The following ZNF385D variants were observed in gnomAD, a reference collection of about 807,000 sequenced individuals.
ZNF385D encodes zinc finger protein 659.
In ZNF385D, 15 loss-of-function variants were observed where a neutral mutation model predicts 35.8. That is an observed-to-expected ratio of 0.42 (90% CI 0.28 to 0.64). ZNF385D has a LOEUF of 0.64. ZNF385D is among the 30% of genes least tolerant of loss of function. ZNF385D has a pLI of 0.23. For missense variants in ZNF385D, 474 were observed against 494.6 expected (o/e 0.96, Z 0.39); for synonymous variants, 212 against 186.8 (o/e 1.13, Z -1.10).
chr3:21,871,079 T>C (rs1264308467), intron 3 of ZNF385D, among the ~76,000 whole-genome samples: 2 of 152,148 alleles, frequency 1.3e-5, no homozygotes. Flanking sequence ...CTGAAGACTC[T>C]CCCCAACTCT....
chr3:21,813,540 A>T (rs2125713367), intron 3 of ZNF385D, among the ~76,000 whole-genome samples: 1 of 152,328 alleles, frequency 6.6e-6, no homozygotes, highest in East Asian at 1.9e-4. Flanking sequence ...ATGGCACGAG[A>T]ATTATGCGAC....
At chr3:22,105,334 TAGTC>T (rs1268761359) in intron 3 of ZNF385D, among the ~76,000 whole-genome samples, 8 of 151,994 alleles carry the variant, frequency 5.3e-5, no homozygotes, top group East Asian at 3.9e-4. Flanking sequence ...TCAGTTGTAT[TAGTC>T]AGGACTCACT....
intron 2 of ZNF385D, among the ~76,000 whole-genome samples, chr3:22,208,480 T>G (rs1165491721): frequency 6.6e-6 from 1 of 151,626 alleles, no homozygotes; most frequent in African/African-American, 2.4e-5. Context: ...GTTAACCGAG[T>G]TGGTTAATGG....
chr3:22,272,468 T>A (rs150607304), intron 2 of ZNF385D, among the ~76,000 whole-genome samples: 169 of 152,158 alleles, frequency 1.1e-3, no homozygotes, highest in African/African-American at 3.8e-3. Flanking sequence ...CAAGATTTAA[T>A]CGTTTAATTA....
In ZNF385D at chr3:21,430,224, C is replaced by G. The variant is rs17008688; in HGVS notation, c.674-4554G>C. Among the ~76,000 whole-genome samples the G allele has an allele frequency of 1.3e-4, 20 of 151,508 alleles. No homozygotes were observed. The East Asian group carries it at 3.9e-3, about 29-fold the overall frequency. ...GAATGGCATCTAGGTATCAGGTGACCAAATATTGCCCCAAATAAGAAAAAA... is the reference window on the plus strand; with the variant it reads ...GAATGGCATCTAGGTATCAGGTGACGAAATATTGCCCCAAATAAGAAAAAA... On this transcript the variant is annotated intron_variant, in intron 5 of 7. Transcript: ENST00000281523.
intron 2 of ZNF385D, among the ~76,000 whole-genome samples, chr3:22,315,116 A>C (rs1703813773): frequency 6.6e-6 from 1 of 152,200 alleles, no homozygotes; most frequent in South Asian, 2.1e-4. Flanking sequence ...ACGTAAAATC[A>C]GGGGTACAGC....
intron 4 of ZNF385D, among the ~76,000 whole-genome samples, chr3:21,463,862 T>C (rs985171464): frequency 1.3e-5 from 2 of 151,868 alleles, no homozygotes; most frequent in Admixed American, 6.6e-5. Flanking sequence ...TAGTACAATA[T>C]AGTGTACTCT....
chr3:21,442,818 C>T (rs1701930398), intron 4 of ZNF385D, among the ~76,000 whole-genome samples: 1 of 151,658 alleles, frequency 6.6e-6, no homozygotes, highest in East Asian at 1.9e-4. Context: ...TGTGTGTGCA[C>T]ACTTATGAGT....
At chr3:21,650,554 A>AT (rs1384958158) in intron 2 of ZNF385D, among the ~76,000 whole-genome samples, 1 of 152,154 alleles carries the variant, frequency 6.6e-6, no homozygotes, top group Non-Finnish European at 1.5e-5. Context: ...TTAAACATTT[A>AT]TTTTTTAAAA....
chr3:22,359,817 CAA>C (rs1249043185), intron 2 of ZNF385D, among the ~76,000 whole-genome samples: 1 of 151,854 alleles, frequency 6.6e-6, no homozygotes, highest in Non-Finnish European at 1.5e-5. Context: ...CATATATAAA[CAA>C]ATGAATTTAT....
chr3:22,351,127 A>C (rs1361291131), intron 2 of ZNF385D, among the ~76,000 whole-genome samples: 1 of 152,116 alleles, frequency 6.6e-6, no homozygotes, highest in Non-Finnish European at 1.5e-5. Flanking sequence ...TAAAAATGTT[A>C]ATTTAAAAAA....
chr3:21,711,160 G>C (rs571853407), intron 1 of ZNF385D, among the ~76,000 whole-genome samples: 2 of 144,930 alleles, frequency 1.4e-5, no homozygotes, highest in South Asian at 4.4e-4. Context: ...TCCTGCCTCA[G>C]CCTCCCGAGT....
rs1355177331 is a variant in ZNF385D, at chr3:21,415,586, C to T, written c.*5628G>A. On this transcript the variant is annotated 3_prime_UTR_variant, in exon 8 of 8. Coordinates refer to ENST00000281523, the MANE Select transcript of ZNF385D (RefSeq NM_024697.3). ...ACAGGTACTAAGACTCATATTTTTACAATTCTGTATGTGTGTGCGTATATA... is the reference window on the plus strand; with the variant it reads ...ACAGGTACTAAGACTCATATTTTTATAATTCTGTATGTGTGTGCGTATATA... 6.6e-6 allele frequency: 1 copy of T among 152,068 alleles called. No homozygotes were observed. The highest frequency in any genetic ancestry group is 1.5e-5 in the Non-Finnish European group (1 of 67,988). The allele number at this position is 152,068 out of a possible 1,614,324, so 9.4% of individuals were successfully genotyped here.
At chr3:21,456,952 T>C (rs1281045113) in intron 4 of ZNF385D, among the ~76,000 whole-genome samples, 2 of 152,150 alleles carry the variant, frequency 1.3e-5, no homozygotes, top group Non-Finnish European at 2.9e-5. Flanking sequence ...TTCTTCTCCA[T>C]TGCAGTTATC....
At chr3:21,921,115 C>G (rs1469456233) in intron 3 of ZNF385D, among the ~76,000 whole-genome samples, 1 of 146,454 alleles carries the variant, frequency 6.8e-6, no homozygotes, top group African/African-American at 2.5e-5. Flanking sequence ...CCCAGCTACT[C>G]GGGAGGCTGA....
chr3:21,792,553 G>T (rs866608207), intron 3 of ZNF385D, among the ~76,000 whole-genome samples: 1 of 152,160 alleles, frequency 6.6e-6, no homozygotes, highest in South Asian at 2.1e-4. Flanking sequence ...TTTAGAGAAA[G>T]AATCTTTACA....
At chr3:22,143,332 C>T (rs1285457478) in intron 3 of ZNF385D, among the ~76,000 whole-genome samples, 2 of 152,100 alleles carry the variant, frequency 1.3e-5, no homozygotes, top group South Asian at 2.1e-4. Context: ...GATCTGCCCG[C>T]CTCGGCCTCC....
At chr3:22,199,308 C>T (rs530935928) in intron 2 of ZNF385D, among the ~76,000 whole-genome samples, 1 of 152,156 alleles carries the variant, frequency 6.6e-6, no homozygotes, top group African/African-American at 2.4e-5. Context: ...GAAGGAAATG[C>T]AGAAGTTAAA....
intron 2 of ZNF385D, among the ~76,000 whole-genome samples, chr3:21,569,879 A>G (rs1182205881): frequency 8.4e-5 from 10 of 119,478 alleles, no homozygotes; most frequent in African/African-American, 3.2e-4. Context: ...GGACACAGGA[A>G]GGGGAACATC....
Sources: gnomAD v4.1 joint callset for allele counts (sites outside exome capture counted in the v4.1 genomes callset) on GRCh38, gnomAD v4.1.1 for gene constraint, MANE v1.5 for transcripts, NCBI Gene and HGNC (gene_info 2026-07-23, HGNC 2026-07-21) for gene names.